The following ZSCAN26 variants were observed in gnomAD, a reference collection of about 807,000 sequenced individuals.
ZSCAN26 encodes zinc finger and SCAN domain containing 26.
In ZSCAN26, 26 loss-of-function variants were observed where a neutral mutation model predicts 23.0. That is an observed-to-expected ratio of 1.13 (90% CI 0.83 to 1.57). The LOEUF is 1.57. ZSCAN26 is among the 40% of genes most tolerant of loss of function. The pLI, the probability that ZSCAN26 is intolerant of heterozygous loss-of-function variation, is 0.00. For synonymous variants in ZSCAN26, 180 were observed against 202.5 expected (o/e 0.89, Z 0.94); for missense variants, 528 against 568.5 (o/e 0.93, Z 0.72).
chr6:28,268,672 G>A (rs1761547799), intron 1 of ZSCAN26, among the ~76,000 whole-genome samples: 1 of 152,168 alleles, frequency 6.6e-6, no homozygotes, highest in South Asian at 2.1e-4. Flanking sequence ...AGATACATGA[G>A]ATATGAAAGG....
chr6:28,267,640 C>T (rs1761500051), intron 1 of ZSCAN26, among the ~76,000 whole-genome samples: 1 of 152,140 alleles, frequency 6.6e-6, no homozygotes, highest in African/African-American at 2.4e-5. Flanking sequence ...GAGCAGTGAA[C>T]AAAGGCGACC....
chr6:28,267,460 G>T (rs1761492351), intron 1 of ZSCAN26: 1 of 123,556 alleles, frequency 8.1e-6, no homozygotes, highest in Non-Finnish European at 1.8e-5. Context: ...AAAGGTAGGC[G>T]CCACCGAGAA....
intron 3 of ZSCAN26, among the ~76,000 whole-genome samples, chr6:28,275,803 T>C (rs772806065): frequency 2.6e-5 from 4 of 152,232 alleles, no homozygotes; most frequent in Non-Finnish European, 5.9e-5. Flanking sequence ...AGTTAAAATG[T>C]CGTCCCTTTC....
chr6:28,276,763 C>T lies in ZSCAN26; in HGVS notation c.1107C>T (p.Cys369=), dbSNP rs756285535. ...ACAGTCAGGAGGAGCCCTGTGAGTG[C>T]AAGGAGTGTGGAAAAACCTTTAGTC... ...RIHSQEEPCE[C]KECGKTFSQA... The change falls in exon 4 of 4, where the codon TGC becomes TGT. Residue 369 remains cysteine (C), a synonymous_variant. Transcript: ENST00000421553. 4.3e-6 allele frequency: 7 copies of T among 1,613,792 alleles called. No homozygotes were observed. The African/African-American group carries it at 6.7e-5, about 15-fold the overall frequency.
intron 1 of ZSCAN26, among the ~76,000 whole-genome samples, chr6:28,268,448 TCAGCCATTATATGTAA>T: frequency 6.6e-6 from 1 of 152,308 alleles, no homozygotes; most frequent in Middle Eastern, 3.4e-3. Context: ...AGGGTAATAA[TCAGCCATTATATGTAA>T]CAGGCATAGC....
At position 28,277,154 on chromosome 6, in the gene ZSCAN26, T is replaced by G. The variant is rs548519395; in HGVS notation, c.*58T>G. On this transcript the variant is annotated 3_prime_UTR_variant, in exon 4 of 4. Coordinates refer to ENST00000421553, the MANE Select transcript of ZSCAN26 (RefSeq NM_001023560.4). ...AGGCACATTGACTAGCAAACAGCAC[T>G]TTAGGAAAAGTCACCGTAGCCCACT... 9.8e-6 allele frequency: 15 copies of G among 1,537,432 alleles called. No individual in the cohort carries two copies. The South Asian group carries it at 1.8e-4, about 18-fold the overall frequency.
chr6:28,273,834 C>T (rs1761821971), intron 3 of ZSCAN26, among the ~76,000 whole-genome samples: 1 of 152,038 alleles, frequency 6.6e-6, no homozygotes, highest in Admixed American at 6.6e-5. Flanking sequence ...CCTCCCACCT[C>T]AGCCTCCCAA....
chr6:28,276,784 T>A lies in ZSCAN26; in HGVS notation c.1128T>A (p.Phe376Leu). 2 of 1,614,000 alleles carry A rather than the reference T, an allele frequency of 1.2e-6. No homozygotes were observed. Among genetic ancestry groups the A allele is most frequent in the South Asian group, 2.2e-5 (2 of 91,074 alleles). The change falls in exon 4 of 4, where the codon TTT becomes TTA. Residue 376 changes from phenylalanine to leucine, a missense_variant. By Grantham distance (22) the Phe-to-Leu change is conservative. Transcript: ENST00000421553. ...AGTGCAAGGAGTGTGGAAAAACCTT[T>A]AGTCAGGCCTTACTCCTCACCCACC... ...PCECKECGKT[F>L]SQALLLTHHQ...
chr6:28,276,812 CAG>C lies in ZSCAN26; in HGVS notation c.1160_1161del (p.Arg387AsnfsTer3). On this transcript the variant is annotated frameshift_variant, in exon 4 of 4. Transcript: ENST00000421553. LOFTEE classifies it low-confidence loss of function (END_TRUNC). ...FSQALLLTHH[Q>X]RIHSHSKSHQ... is the part of the protein sequence containing the mutation. ...TCAGGCCTTACTCCTCACCCACCAT[CAG>C]AGAATCCATAGTCACTCCAAAAGCC... 6.2e-7 allele frequency: 1 copy of C among 1,613,934 alleles called. No individual in the cohort carries two copies. Among genetic ancestry groups the C allele is most frequent in the Non-Finnish European group, 8.5e-7 (1 of 1,179,892 alleles).
At chr6:28,267,925 A>G (rs1312183524) in intron 1 of ZSCAN26, among the ~76,000 whole-genome samples, 7 of 152,208 alleles carry the variant, frequency 4.6e-5, no homozygotes, top group Non-Finnish European at 8.8e-5. Flanking sequence ...GGAGATAAGG[A>G]TATCTTGAGC....
chr6:28,276,989 CACA>C lies in ZSCAN26; in HGVS notation c.1335_1337del (p.Asn446del), dbSNP rs1382804572. On this transcript the variant is annotated inframe_deletion, in exon 4 of 4. Coordinates refer to ENST00000421553, the MANE Select transcript of ZSCAN26 (RefSeq NM_001023560.4). ...ACACCTTGCTCAGCATGTAAGAATC[CACA>C]ATGAAGAAAAACCCTATCAGTGTAG... is the stretch of plus-strand genomic sequence containing the variant. The C allele has an allele frequency of 6.2e-7, 1 of 1,613,932 alleles. No individual in the cohort carries two copies. Among genetic ancestry groups the C allele is most frequent in the Admixed American group, 1.7e-5 (1 of 60,012 alleles).
chr6:28,273,558 A>C (rs974556322), intron 3 of ZSCAN26, among the ~76,000 whole-genome samples: 1 of 151,930 alleles, frequency 6.6e-6, no homozygotes, highest in African/African-American at 2.4e-5. Flanking sequence ...AAACAAACAA[A>C]AAAAAAAACA....
In ZSCAN26 at chr6:28,272,091, C is replaced by T. The variant is rs369207761; in HGVS notation, c.172C>T (p.Arg58Cys). The change falls in exon 2 of 4, where the codon CGT becomes TGT. Residue 58 changes from arginine (R) to cysteine (C), a missense_variant. Coordinates refer to ENST00000421553, the MANE Select transcript of ZSCAN26 (RefSeq NM_001023560.4). ...EPLCKQFRQLRYEETTGPREA... is the reference protein window; with the variant it reads ...EPLCKQFRQLCYEETTGPREA... ...ATTGTGCAAACAATTCAGGCAGTTG[C>T]GTTATGAAGAGACCACAGGACCTCG... 8.4e-5 allele frequency: 132 copies of T among 1,579,790 alleles called. No individual in the cohort carries two copies. Among genetic ancestry groups the T allele is most frequent in the African/African-American group, 1.2e-4 (9 of 73,922 alleles).
intron 3 of ZSCAN26, 43 bp from the exon 4 acceptor site, chr6:28,276,152 C>A: frequency 6.6e-7 from 1 of 1,511,430 alleles, no homozygotes; most frequent in Non-Finnish European, 8.9e-7. Flanking sequence ...TTTCCCCAAG[C>A]ATCAAAAGAC....
chr6:28,272,869 A>ATT, intron 3 of ZSCAN26, 82 bp downstream of exon 3: 1 of 1,200,376 alleles, frequency 8.3e-7, no homozygotes, highest in Non-Finnish European at 1.2e-6. Context: ...GCACCCTTGT[A>ATT]TTTTGTTTTT....
chr6:28,267,553 G>A (rs1761497390), intron 1 of ZSCAN26: 1 of 152,186 alleles, frequency 6.6e-6, no homozygotes, highest in East Asian at 1.9e-4. Flanking sequence ...TAGGTAGAGG[G>A]AATAGCAAGT....
chr6:28,273,048 A>T (rs371540193), intron 3 of ZSCAN26, among the ~76,000 whole-genome samples: 1 of 152,212 alleles, frequency 6.6e-6, no homozygotes, highest in African/African-American at 2.4e-5. Context: ...TTTTAGCTGA[A>T]CAAAATAGCA....
rs1021998871 is a variant in ZSCAN26 at position 28,276,650 on chromosome 6, A to G, written c.994A>G (p.Ile332Val). The G allele has an allele frequency of 6.2e-7, 1 of 1,611,616 alleles. No individual in the cohort carries two copies. Among genetic ancestry groups the G allele is most frequent in the Non-Finnish European group, 8.5e-7 (1 of 1,178,816 alleles). ...QNAGLLEHLR[I>V]HTGEKPYLCI... ...TGCAGGCCTTTTGGAACATCTCAGA[A>G]TTCATACTGGAGAGAAACCTTATCT... Residue 332 changes from isoleucine to valine, a missense_variant, in exon 4 of 4, where the codon ATT (isoleucine) becomes GTT (valine). Coordinates refer to ENST00000421553, the MANE Select transcript of ZSCAN26 (RefSeq NM_001023560.4).
chr6:28,276,472 A>G lies in ZSCAN26; in HGVS notation c.816A>G (p.Gly272=). The change falls in exon 4 of 4, where the codon GGA becomes GGG. Residue 272 remains glycine (G), a synonymous_variant. Coordinates refer to ENST00000421553, the MANE Select transcript of ZSCAN26 (RefSeq NM_001023560.4). The part of the protein sequence containing the change: ...SDVCQSSSLT[G]HKKVLSREKG... ...TGTGTCAGAGTTCCAGTCTTACAGG[A>G]CATAAGAAAGTCCTCTCTAGAGAGA... 6.2e-7 allele frequency: 1 copy of G among 1,614,008 alleles called. No homozygotes were observed. Among genetic ancestry groups the G allele is most frequent in the South Asian group, 1.1e-5 (1 of 91,086 alleles).
Sources: gnomAD v4.1 joint callset for allele counts (sites outside exome capture counted in the v4.1 genomes callset) on GRCh38, gnomAD v4.1.1 for gene constraint, MANE v1.5 for transcripts, NCBI Gene and HGNC (gene_info 2026-07-23, HGNC 2026-07-21) for gene names.